CAB39L: variants seen among roughly 807,000 people sequenced by gnomAD.
CAB39L encodes the protein calcium binding protein 39 like.
CAB39L carries 23 observed loss-of-function variants against 39.1 expected under a neutral mutation model. The ratio of observed to expected loss-of-function variants is 0.59; its 90% confidence interval spans 0.42 to 0.83. The LOEUF (loss-of-function observed/expected upper bound fraction) is 0.83. Among genes scored for constraint, CAB39L ranks in the 40% least tolerant of loss-of-function variants. The pLI is 0.00. For synonymous variants in CAB39L, 126 were observed against 137.2 expected, an observed-to-expected ratio of 0.92 and a Z score of 0.57; for missense variants, 366 against 391.9, an observed-to-expected ratio of 0.93 and a Z score of 0.56.
At chr13:49,346,124 T>TATATATATATG (rs71076079) in intron 7 of CAB39L, among the ~76,000 whole-genome samples, 1 of 116,790 alleles carries the variant, frequency 8.6e-6, no homozygotes, top group Non-Finnish European at 1.7e-5. Context: ...TATATATATA[T>TATATATATATG]CATGGATACA....
At chr13:49,398,081 A>T (rs1213726393) in intron 3 of CAB39L, among the ~76,000 whole-genome samples, 1 of 152,094 alleles carries the variant, frequency 6.6e-6, no homozygotes, top group Non-Finnish European at 1.5e-5. Flanking sequence ...GAGAATAGAG[A>T]TGAAAGTGAT....
At chr13:49,348,207 C>T in intron 7 of CAB39L, among the ~76,000 whole-genome samples, 1 of 152,100 alleles carries the variant, frequency 6.6e-6, no homozygotes, top group East Asian at 1.9e-4. Context: ...CGGTTCCTTT[C>T]CTCTGATGTC....
intron 5 of CAB39L, among the ~76,000 whole-genome samples, chr13:49,371,985 C>G (rs564374032): frequency 1.3e-5 from 2 of 152,258 alleles, no homozygotes; most frequent in South Asian, 4.1e-4. Context: ...GCTGCTTATT[C>G]AGCCTGAACA....
intron 3 of CAB39L, among the ~76,000 whole-genome samples, chr13:49,406,832 A>G (rs1047761343): frequency 1.3e-5 from 2 of 152,134 alleles, no homozygotes; most frequent in Admixed American, 6.6e-5. Flanking sequence ...TACTCTTTCA[A>G]TATGTCTAAT....
intron 10 of CAB39L, among the ~76,000 whole-genome samples, chr13:49,329,539 AAAAAAATATATAT>A (rs1954609099): frequency 5.5e-5 from 2 of 36,242 alleles, no homozygotes; most frequent in African/African-American, 3.2e-4. Context: ...TCAATTAAAA[AAAAAAATATATAT>A]ATATATATAT....
intron 10 of CAB39L, among the ~76,000 whole-genome samples, chr13:49,311,789 G>A (rs904974001): frequency 6.6e-6 from 1 of 152,198 alleles, no homozygotes; most frequent in Non-Finnish European, 1.5e-5. Flanking sequence ...TAATGTGTTT[G>A]TTTTAAGCTG....
intron 4 of CAB39L, among the ~76,000 whole-genome samples, chr13:49,378,648 T>C (rs1264712035): frequency 0.03 from 769 of 25,512 alleles, no homozygotes; most frequent in African/African-American, 0.051. Context: ...CGCCTCTGCC[T>C]GGCCGCCCCT....
At chr13:49,339,790 C>T (rs1200450661) in intron 8 of CAB39L, 48 bp from the exon 9 acceptor site, 2 of 1,467,410 alleles carry the variant, frequency 1.4e-6, no homozygotes, top group African/African-American at 2.9e-5. Flanking sequence ...GCAGTGGATT[C>T]TCCGTATTAG....
intron 3 of CAB39L, among the ~76,000 whole-genome samples, chr13:49,392,807 T>TA (rs1400505697): frequency 2.6e-5 from 4 of 152,040 alleles, no homozygotes; most frequent in African/African-American, 9.7e-5. Flanking sequence ...TTCTGGCCAA[T>TA]AAAAATCAAA....
intron 3 of CAB39L, 50 bp downstream of exon 3, chr13:49,433,268 C>CGTCT (rs1468044490): frequency 2.4e-6 from 1 of 416,000 alleles, no homozygotes; most frequent in Non-Finnish European, 4.7e-6. Flanking sequence ...ATAGTCTACA[C>CGTCT]GTCTGTCGAG....
chr13:49,406,714 A>G (rs1370834032), intron 3 of CAB39L, among the ~76,000 whole-genome samples: 1 of 152,202 alleles, frequency 6.6e-6, no homozygotes, highest in Non-Finnish European at 1.5e-5. Flanking sequence ...TTTTAATTCT[A>G]ATCTATCATT....
chr13:49,364,922 C>T (rs1259513504), intron 5 of CAB39L, among the ~76,000 whole-genome samples: 1 of 152,134 alleles, frequency 6.6e-6, no homozygotes, highest in East Asian at 1.9e-4. Flanking sequence ...CAATGACATT[C>T]TTCATCGAAA....
At chr13:49,398,076 T>C (rs186334047) in intron 3 of CAB39L, among the ~76,000 whole-genome samples, 2 of 152,192 alleles carry the variant, frequency 1.3e-5, no homozygotes, top group South Asian at 2.1e-4. Flanking sequence ...CATGAGAGAA[T>C]AGAGATGAAA....
rs1956088518 is a variant in CAB39L at position 49,377,066 on chromosome 13, T to C, written c.177A>G (p.Lys59=). 7 of 1,613,740 alleles carry C rather than the reference T, an allele frequency of 4.3e-6. No homozygotes were observed. Among genetic ancestry groups the C allele is most frequent in the Non-Finnish European group, 5.9e-6 (7 of 1,179,672 alleles). ...GAGCCACTGCTTCTGTTGGGGGTTC[T>C]TTCTCGTTTGTACCACACAGAATTT... ...MKEILCGTNE[K]EPPTEAVAQL... is the part of the protein sequence containing the mutation. The change falls in exon 5 of 11, where the codon AAA becomes AAG. Residue 59 remains lysine, a synonymous_variant. Coordinates refer to ENST00000409308, the MANE Select transcript of CAB39L (RefSeq NM_001079670.3).
At chr13:49,424,778 A>G (rs934874319) in intron 3 of CAB39L, among the ~76,000 whole-genome samples, 2 of 152,230 alleles carry the variant, frequency 1.3e-5, no homozygotes, top group Non-Finnish European at 2.9e-5. Flanking sequence ...AAAAATTCCA[A>G]TGATGGAAAA....
chr13:49,442,695 G>T (rs905363291), intron 1 of CAB39L, among the ~76,000 whole-genome samples: 13 of 149,762 alleles, frequency 8.7e-5, no homozygotes, highest in Non-Finnish European at 1.3e-4. Flanking sequence ...AGGAGGCTGA[G>T]GCAGGAGAAT....
rs541234965 is a variant in CAB39L at position 49,379,714 on chromosome 13, A to C, written c.112-2583T>G. On this transcript the variant is annotated intron_variant, in intron 4 of 10. Coordinates refer to ENST00000409308, the MANE Select transcript of CAB39L (RefSeq NM_001079670.3). Reference sequence around the variant, plus strand: ...CAATAAAAAAATAAATTTAAAAAAAAAAAAAAACAAAAAAACAAAAACAGT... The same window carrying C: ...CAATAAAAAAATAAATTTAAAAAAACAAAAAAACAAAAAAACAAAAACAGT... Among the ~76,000 whole-genome samples the C allele has an allele frequency of 3.2e-3, 109 of 33,914 alleles. 22 individuals carry two copies. Among genetic ancestry groups the C allele is most frequent in the East Asian group, 0.018 (72 of 3,902 alleles). The allele number at this position is 33,914 out of a possible 152,430, so 22.2% of individuals were successfully genotyped here.
At chr13:49,311,838 AAAAT>A (rs1227600981) in intron 10 of CAB39L, among the ~76,000 whole-genome samples, 1 of 152,246 alleles carries the variant, frequency 6.6e-6, no homozygotes, top group African/African-American at 2.4e-5. Context: ...AAAAAATTAA[AAAAT>A]AAACTTTTTA....
intron 8 of CAB39L, among the ~76,000 whole-genome samples, chr13:49,343,611 G>A (rs896759756): frequency 1.3e-5 from 2 of 151,368 alleles, no homozygotes; most frequent in Non-Finnish European, 3.0e-5. Context: ...GGAGGGAGAG[G>A]AGGGAGAAGA....
Sources: gnomAD v4.1 joint callset for allele counts (sites outside exome capture counted in the v4.1 genomes callset) on GRCh38, gnomAD v4.1.1 for gene constraint, MANE v1.5 for transcripts, NCBI Gene and HGNC (gene_info 2026-07-23, HGNC 2026-07-21) for gene names.